The following ANKRD17 variants were observed in gnomAD, a reference collection of about 807,000 sequenced individuals.
ANKRD17 encodes ankyrin repeat domain 17.
ANKRD17 carries 19 observed loss-of-function variants against 229.7 expected under a neutral mutation model. The observed-to-expected ratio is 0.08, with a 90% confidence interval of 0.06 to 0.12. ANKRD17 has a LOEUF of 0.12. Among genes scored for constraint, ANKRD17 ranks in the 10% least tolerant of loss-of-function variants. The pLI is 1.00. For missense variants in ANKRD17, 2,176 were observed against 3,176.8 expected (o/e 0.68, Z 7.57); for synonymous variants, 1,112 against 1,146.1 (o/e 0.97, Z 0.60).
chr4:73,219,874 C>T (rs931468509), intron 1 of ANKRD17, among the ~76,000 whole-genome samples: 1 of 152,114 alleles, frequency 6.6e-6, no homozygotes, highest in Non-Finnish European at 1.5e-5. Flanking sequence ...CCAGAACAAT[C>T]TGAACTTAAT....
intron 18 of ANKRD17, among the ~76,000 whole-genome samples, chr4:73,124,501 T>C (rs1727179609): frequency 2.0e-5 from 3 of 152,150 alleles, no homozygotes; most frequent in African/African-American, 7.2e-5. Context: ...ACAAGAGTTC[T>C]CAAAACACAT....
Position 73,074,737 on chromosome 4 carries a change from C to T in ANKRD17, c.*1494G>A, listed in dbSNP as rs1179062930. 1 of 151,808 alleles carries T rather than the reference C, an allele frequency of 6.6e-6. No homozygotes were observed. The highest frequency in any genetic ancestry group is 1.9e-4 in the East Asian group (1 of 5,178). The allele number at this position is 151,808 out of a possible 1,614,324, so 9.4% of individuals were successfully genotyped here. On this transcript the variant is annotated 3_prime_UTR_variant, in exon 34 of 34. Coordinates refer to ENST00000358602, the MANE Select transcript of ANKRD17 (RefSeq NM_032217.5). ...ATTTTAGTTAGTTTTTATGTTTTACCAGTGTGAAATTTTATGTCTAATTAA... is the reference window on the plus strand; with the variant it reads ...ATTTTAGTTAGTTTTTATGTTTTACTAGTGTGAAATTTTATGTCTAATTAA...
intron 1 of ANKRD17, among the ~76,000 whole-genome samples, chr4:73,191,145 C>T (rs1048619177): frequency 6.6e-5 from 10 of 151,934 alleles, no homozygotes; most frequent in African/African-American, 2.2e-4. Flanking sequence ...GATGCCCTAC[C>T]AGATGTCAAA....
intron 2 of ANKRD17, among the ~76,000 whole-genome samples, chr4:73,166,257 C>T (rs993766023): frequency 1.1e-4 from 17 of 152,218 alleles, no homozygotes; most frequent in Middle Eastern, 6.8e-3. Context: ...AAAAGCCAAC[C>T]AAAGTATTGA....
intron 1 of ANKRD17, among the ~76,000 whole-genome samples, chr4:73,225,615 C>G (rs1376914152): frequency 6.6e-6 from 1 of 151,996 alleles, no homozygotes; most frequent in Non-Finnish European, 1.5e-5. Flanking sequence ...TCCCAGCACT[C>G]TGGGAGGCCC....
At position 73,139,521 on chromosome 4, in the gene ANKRD17, A is replaced by G. The variant is rs749709928; in HGVS notation, c.3085+10T>C. 1 of 1,604,034 alleles carries G rather than the reference A, an allele frequency of 6.2e-7. No homozygotes were observed. The stretch of plus-strand genomic sequence containing the variant: ...ATATTTGATACCTGCTCATAACAAT[A>G]TAAACCCACCTGCCATGATGTCATC... On this transcript the variant is annotated intron_variant, in intron 15 of 33. Coordinates refer to ENST00000358602, the MANE Select transcript of ANKRD17 (RefSeq NM_032217.5).
At chr4:73,214,893 T>C (rs1284427875) in intron 1 of ANKRD17, among the ~76,000 whole-genome samples, 1 of 149,896 alleles carries the variant, frequency 6.7e-6, no homozygotes, top group Admixed American at 6.6e-5. Context: ...AAAAAGAAAT[T>C]TTTTCAGTCT....
chr4:73,166,277 T>C (rs534515454), intron 2 of ANKRD17, among the ~76,000 whole-genome samples: 2 of 152,308 alleles, frequency 1.3e-5, no homozygotes, highest in East Asian at 1.9e-4. Flanking sequence ...AAAATGAGAC[T>C]GAAATTTTAT....
At chr4:73,113,681 T>C in intron 24 of ANKRD17, 111 bp downstream of exon 24, 1 of 858,900 alleles carries the variant, frequency 1.2e-6, no homozygotes, top group Non-Finnish European at 1.9e-6. Context: ...AGAAATCATG[T>C]ACGTAATTTA....
At chr4:73,200,487 A>C (rs969724297) in intron 1 of ANKRD17, among the ~76,000 whole-genome samples, 2 of 152,160 alleles carry the variant, frequency 1.3e-5, no homozygotes, top group Admixed American at 1.3e-4. Context: ...ACTATGATTT[A>C]ATAGTTTTGG....
chr4:73,094,442 T>A (rs1050044771), intron 27 of ANKRD17, among the ~76,000 whole-genome samples: 3 of 152,170 alleles, frequency 2.0e-5, no homozygotes, highest in African/African-American at 7.2e-5. Flanking sequence ...CATCTCACTA[T>A]CAAAGATTGT....
Position 73,076,302 on chromosome 4 carries a change from G to A in ANKRD17, c.7753-12C>T, listed in dbSNP as rs1196542905. 5.1e-6 allele frequency: 8 copies of A among 1,567,356 alleles called. No individual in the cohort carries two copies. The East Asian group carries it at 9.4e-5, about 18-fold the overall frequency. ...GGTCCAGTCCACACCTATGAATATA[G>A]AGCATGCATTTTACAAAATATATAT... On this transcript the variant is annotated splice_polypyrimidine_tract_variant and intron_variant, in intron 33 of 33. Transcript: ENST00000358602.
rs919657671 is a variant in ANKRD17, at chr4:73,218,642, CAAAAAAAA to C, written c.393+39626_393+39633del. Among the ~76,000 whole-genome samples, 11 of 59,676 alleles carry C rather than the reference CAAAAAAAA, an allele frequency of 1.8e-4. 1 individual carries two copies. The highest frequency in any genetic ancestry group is 7.2e-5 in the Non-Finnish European group (2 of 27,680). 39.1% of individuals were successfully genotyped at this position (59,676 alleles called of 152,430 possible). ...TGGGTGACAGAGTGAGACTCTGTCT[CAAAAAAAA>C]AAAAAAAAAAAAAGATACCAATGGC... On this transcript the variant is annotated intron_variant, in intron 1 of 33. Coordinates refer to ENST00000358602, the MANE Select transcript of ANKRD17 (RefSeq NM_032217.5).
chr4:73,199,314 A>C (rs1350012404), intron 1 of ANKRD17, among the ~76,000 whole-genome samples: 1 of 152,012 alleles, frequency 6.6e-6, no homozygotes, highest in Non-Finnish European at 1.5e-5. Context: ...GGAGGGAAAA[A>C]AAGCCAGCCA....
At chr4:73,188,858 T>C (rs1736647324) in intron 1 of ANKRD17, among the ~76,000 whole-genome samples, 1 of 152,088 alleles carries the variant, frequency 6.6e-6, no homozygotes, top group Non-Finnish European at 1.5e-5. Context: ...GAGAAAAATA[T>C]AAGGAGTTAT....
At chr4:73,166,831 A>G (rs1226073360) in intron 2 of ANKRD17, among the ~76,000 whole-genome samples, 1 of 152,134 alleles carries the variant, frequency 6.6e-6, no homozygotes, top group African/African-American at 2.4e-5. Context: ...TCATGGGTAC[A>G]TAGTATGTGT....
intron 30 of ANKRD17, chr4:73,080,907 C>T (rs920196271): frequency 3.9e-5 from 6 of 152,312 alleles, no homozygotes; most frequent in African/African-American, 9.6e-5. Flanking sequence ...CCTCAAACTC[C>T]TGGCCTCAAG....
rs781121836 is a variant in ANKRD17, at chr4:73,142,340, T to C, written c.2131A>G (p.Ser711Gly). 61 of 1,586,400 alleles carry C rather than the reference T, an allele frequency of 3.8e-5. No individual in the cohort carries two copies. The highest frequency in any genetic ancestry group is 5.0e-5 in the Non-Finnish European group (59 of 1,174,020). ...TAATCCAAGAGATAGCAAACAACAC[T>C]TGTATGGCCACCTTTTGCTGCTTCT... ...LIEAAKGGHT[S>G]VVCYLLDYPN... Residue 711 changes from serine to glycine, a missense_variant, in exon 13 of 34, where the codon AGT (serine) becomes GGT (glycine). Ser to Gly is a moderately conservative substitution (Grantham distance 56, BLOSUM62 0). Coordinates refer to ENST00000358602, the MANE Select transcript of ANKRD17 (RefSeq NM_032217.5).
At chr4:73,134,890 A>G (rs929122628) in intron 16 of ANKRD17, among the ~76,000 whole-genome samples, 2 of 152,194 alleles carry the variant, frequency 1.3e-5, no homozygotes, top group African/African-American at 4.8e-5. Flanking sequence ...AAAGTTAAAA[A>G]AAAGGTTACC....
Sources: gnomAD v4.1 joint callset for allele counts (sites outside exome capture counted in the v4.1 genomes callset) on GRCh38, gnomAD v4.1.1 for gene constraint, MANE v1.5 for transcripts, NCBI Gene and HGNC (gene_info 2026-07-23, HGNC 2026-07-21) for gene names.